The following APLP1 variants were observed in gnomAD, a reference collection of about 807,000 sequenced individuals.
The protein encoded by APLP1 is amyloid beta precursor like protein 1, also known as amyloid beta (A4) precursor-like protein 1.
A neutral mutation model predicts 84.5 loss-of-function variants in APLP1; 46 were observed. That is an observed-to-expected ratio of 0.54 (90% confidence interval 0.43 to 0.70). The LOEUF is 0.70. Ranked by LOEUF, APLP1 falls within the 30% of genes least tolerant of loss-of-function variation. The probability of loss-of-function intolerance (pLI) is 0.00; values close to 1 mark genes in which losing one functional copy is unlikely to be tolerated. For missense variants in APLP1, 826 were observed against 900.2 expected (o/e 0.92, Z 1.05); for synonymous variants, 376 against 364.0 (o/e 1.03, Z -0.38).
rs1225289403 is a variant in APLP1, at chr19:35,873,696, A to G, written c.1039A>G (p.Arg347Gly). ...NQSKNLPKAD[R>G]QALNEHFQSI... ...GTCCAAGAACCTGCCTAAAGCCGAC[A>G]GACAGGCCCTGAATGAGGTAGGACA... is the stretch of plus-strand genomic sequence containing the variant. Residue 347 changes from arginine (R) to glycine (G), a missense_variant, in exon 8 of 17, where the codon AGA becomes GGA. Physicochemically the swap from Arg to Gly is moderately radical, Grantham distance 125. Coordinates refer to ENST00000221891, the MANE Select transcript of APLP1 (RefSeq NM_001024807.3). 6.2e-7 allele frequency: 1 copy of G among 1,614,016 alleles called. No individual in the cohort carries two copies. Among genetic ancestry groups the G allele is most frequent in the African/African-American group, 1.3e-5 (1 of 74,942 alleles).
Position 35,874,204 on chromosome 19 carries a change from G to C in APLP1, c.1057-300G>C, listed in dbSNP as rs898888121. On this transcript the variant is annotated intron_variant, in intron 8 of 16. Coordinates refer to ENST00000221891, the MANE Select transcript of APLP1 (RefSeq NM_001024807.3). This position sits in a 1 kb window ranked among gnomAD's most constrained non-coding sequence, Gnocchi z 6.4. Reference sequence around the variant, plus strand: ...CCTGTCTCCAGTTTGACCCTGCCCAGGCCAGGAGCCCTGCAAGGCTTTGTC... The same window carrying C: ...CCTGTCTCCAGTTTGACCCTGCCCACGCCAGGAGCCCTGCAAGGCTTTGTC... 6.6e-6 allele frequency among the ~76,000 whole-genome samples: 1 copy of C among 152,160 alleles called. No individual in the cohort carries two copies. The highest frequency in any genetic ancestry group is 2.4e-5 in the African/African-American group (1 of 41,434).
At chr19:35,875,225 G>A (rs1336833309) in intron 10 of APLP1, among the ~76,000 whole-genome samples, 10 of 147,684 alleles carry the variant, frequency 6.8e-5, no homozygotes, top group African/African-American at 1.0e-4. Context: ...AGCAGTGTGC[G>A]ATCTTGGCTC....
intron 7 of APLP1, 60 bp from the exon 8 acceptor site, chr19:35,873,579 G>A: frequency 2.6e-6 from 4 of 1,557,998 alleles, no homozygotes; most frequent in Non-Finnish European, 3.5e-6. Flanking sequence ...GAGGGGTTGG[G>A]GGACTTGCCA....
intron 2 of APLP1, 38 bp from the exon 3 acceptor site, chr19:35,870,858 G>A (rs947496368): frequency 3.8e-6 from 6 of 1,584,146 alleles, no homozygotes; most frequent in African/African-American, 1.3e-5. Context: ...TGGCAGGGGC[G>A]GGGCAGTGGG....
intron 11 of APLP1, among the ~76,000 whole-genome samples, chr19:35,877,215 G>A (rs8103447): frequency 0.015 from 2,250 of 152,194 alleles, 59 homozygotes; most frequent in African/African-American, 0.052. Context: ...ATCTTGAGGC[G>A]CGGTGGCTCA....
intron 11 of APLP1, among the ~76,000 whole-genome samples, chr19:35,876,955 A>C (rs1974296213): frequency 6.6e-6 from 1 of 152,208 alleles, no homozygotes; most frequent in African/African-American, 2.4e-5. Context: ...TGGTCTCATC[A>C]GCAGGGTAGC....
Position 35,871,288 on chromosome 19 carries a change from T to C in APLP1, c.476T>C (p.Leu159Ser). ...ALLVPEGCRF[L>S]HQERMDQCES... The stretch of plus-strand genomic sequence containing the variant: ...CTGGTGCCTGAAGGCTGCCGGTTCT[T>C]GCACCAGGAGCGCATGGACCAATGT... Residue 159 changes from leucine (L) to serine (S), a missense_variant, in exon 4 of 17, where the codon TTG (leucine) becomes TCG (serine). By Grantham distance (145) the Leu-to-Ser change is moderately radical. Around this residue, in one of 3 missense-constraint regions of APLP1, gnomAD observed 383 missense variants for 378.3 expected, o/e 1.01. Coordinates refer to ENST00000221891, the MANE Select transcript of APLP1 (RefSeq NM_001024807.3). 6.2e-7 allele frequency: 1 copy of C among 1,613,702 alleles called. No homozygotes were observed. Among genetic ancestry groups the C allele is most frequent in the Non-Finnish European group, 8.5e-7 (1 of 1,179,854 alleles).
In APLP1 at chr19:35,874,583, G is replaced by T. The variant is rs752685508; in HGVS notation, c.1136G>T (p.Arg379Leu). 5.6e-6 allele frequency: 9 copies of T among 1,614,168 alleles called. No homozygotes were observed. The South Asian group carries it at 9.9e-5, about 18-fold the overall frequency. The change falls in exon 9 of 17, where the codon CGC (arginine) becomes CTC (leucine). Residue 379 changes from arginine to leucine, a missense_variant. By Grantham distance (102) the Arg-to-Leu change is moderately radical (BLOSUM62 -2). Around this residue, in one of 3 missense-constraint regions of APLP1, gnomAD observed 433 missense variants for 496.5 expected, o/e 0.87. Coordinates refer to ENST00000221891, the MANE Select transcript of APLP1 (RefSeq NM_001024807.3). The surrounding 1 kb of genome is among the most constrained non-coding windows in gnomAD (Gnocchi z 6.4). ...CGCCTGGTGGAAACCCACGCCACCCGCGTCATCGCCCTTATCAACGACCAG... is the reference window on the plus strand; with the variant it reads ...CGCCTGGTGGAAACCCACGCCACCCTCGTCATCGCCCTTATCAACGACCAG... ...RQRLVETHAT[R>L]VIALINDQRR...
intron 13 of APLP1, 168 bp from the exon 14 acceptor site, chr19:35,878,416 C>T: frequency 1.5e-6 from 1 of 685,066 alleles, no homozygotes. Context: ...TGTGGTGGGG[C>T]ATGTCTGTAG....
intron 10 of APLP1, among the ~76,000 whole-genome samples, chr19:35,875,436 C>T (rs1974261704): frequency 6.6e-6 from 1 of 151,966 alleles, no homozygotes; most frequent in Non-Finnish European, 1.5e-5. Flanking sequence ...AGCTATTCTC[C>T]TGCCTCAGCC....
chr19:35,871,563 A>G (rs1599883458), intron 4 of APLP1, 49 bp from the exon 5 acceptor site: 1 of 1,604,844 alleles, frequency 6.2e-7, no homozygotes, highest in South Asian at 1.1e-5. Context: ...TTCCCCATCT[A>G]CCCCCTCCCA....
At position 35,874,105 on chromosome 19, in the gene APLP1, C is replaced by CGTAG. The variant is rs1974223859; in HGVS notation, c.1056+392_1056+393insGTAG. Among the ~76,000 whole-genome samples the CGTAG allele has an allele frequency of 2.6e-5, 4 of 152,164 alleles. No individual in the cohort carries two copies. Among genetic ancestry groups the CGTAG allele is most frequent in the Admixed American group, 1.3e-4 (2 of 15,274 alleles). On this transcript the variant is annotated intron_variant, in intron 8 of 16. Coordinates refer to ENST00000221891, the MANE Select transcript of APLP1 (RefSeq NM_001024807.3). This position sits in a 1 kb window ranked among gnomAD's most constrained non-coding sequence, Gnocchi z 6.4. ...TCTCACCTTTATTAACCTGACCTACCCCATGGAGACCCCACTCATGTTAGC... is the reference window on the plus strand; with the variant it reads ...TCTCACCTTTATTAACCTGACCTACCGTAGCCATGGAGACCCCACTCATGTTAGC...
intron 13 of APLP1, 91 bp downstream of exon 13, chr19:35,878,199 C>G (rs1667807323): frequency 7.3e-7 from 1 of 1,370,976 alleles, no homozygotes; most frequent in South Asian, 1.3e-5. Context: ...GAACCTCAGA[C>G]CCCCTGGGGT....
At chr19:35,876,428 C>A (rs1163715160) in intron 10 of APLP1, 89 bp from the exon 11 acceptor site, 2 of 1,134,974 alleles carry the variant, frequency 1.8e-6, no homozygotes, top group East Asian at 4.7e-5. Flanking sequence ...TTTCCTCAGT[C>A]GCTATTGAAT....
At chr19:35,870,058 A>AG in intron 2 of APLP1, 2 of 544,408 alleles carry the variant, frequency 3.7e-6, no homozygotes, top group Non-Finnish European at 6.4e-6. Flanking sequence ...GTAGAGGTGT[A>AG]GGGGGGAGTG....
chr19:35,873,819 C>T, intron 8 of APLP1, 106 bp downstream of exon 8: 1 of 1,051,282 alleles, frequency 9.5e-7, no homozygotes, highest in Non-Finnish European at 1.4e-6. Context: ...CACCCCTTCC[C>T]ACCTATCTCA....
chr19:35,868,841 G>T lies in APLP1; in HGVS notation c.147+58G>T. Reference sequence around the variant, plus strand: ...AAGGGGCGGGACCGGGTCTCTGGACGCCGGCGCGGACATGTCCAGGGCAGA... The same window carrying T: ...AAGGGGCGGGACCGGGTCTCTGGACTCCGGCGCGGACATGTCCAGGGCAGA... On this transcript the variant is annotated intron_variant, in intron 1 of 16. Transcript: ENST00000221891. The surrounding 1 kb of genome is among the most constrained non-coding windows in gnomAD (Gnocchi z 5.2). 8.0e-7 allele frequency: 1 copy of T among 1,248,354 alleles called. No individual in the cohort carries two copies. The highest frequency in any genetic ancestry group is 1.0e-6 in the Non-Finnish European group (1 of 990,592). 77.3% of individuals were successfully genotyped at this position (1,248,354 alleles called of 1,614,324 possible).
In APLP1 at chr19:35,874,427, C is replaced by T. The variant is rs1974230497; in HGVS notation, c.1057-77C>T. Reference sequence around the variant, plus strand: ...GAACGCCCCCCAACCCCATGTAGCCCTGCCTTTCCAGGCTCTCTTTGACCA... The same window carrying T: ...GAACGCCCCCCAACCCCATGTAGCCTTGCCTTTCCAGGCTCTCTTTGACCA... On this transcript the variant is annotated intron_variant, in intron 8 of 16. Coordinates refer to ENST00000221891, the MANE Select transcript of APLP1 (RefSeq NM_001024807.3). This position sits in a 1 kb window ranked among gnomAD's most constrained non-coding sequence, Gnocchi z 6.4. 1 of 1,572,962 alleles carries T rather than the reference C, an allele frequency of 6.4e-7. No individual in the cohort carries two copies. Among genetic ancestry groups the T allele is most frequent in the Non-Finnish European group, 8.7e-7 (1 of 1,149,684 alleles).
chr19:35,874,824 T>A lies in APLP1; in HGVS notation c.1299T>A (p.His433Gln), dbSNP rs149296980. The change falls in exon 10 of 17, where the codon CAT becomes CAA. Residue 433 changes from histidine (H) to glutamine (Q), a missense_variant. This residue lies in a region of APLP1 where 433 missense variants were observed against 496.5 expected (regional missense o/e 0.87). Transcript: ENST00000221891. The surrounding 1 kb of genome is among the most constrained non-coding windows in gnomAD (Gnocchi z 6.4). The part of the protein sequence containing the change: ...EQRHTLRHYQ[H>Q]VAAVDPEKAQ... ...GGCACACGCTGCGCCACTACCAGCATGTGGCCGCCGTGGATCCCGAGAAGG... is the reference window on the plus strand; with the variant it reads ...GGCACACGCTGCGCCACTACCAGCAAGTGGCCGCCGTGGATCCCGAGAAGG... 6.2e-7 allele frequency: 1 copy of A among 1,612,136 alleles called. No individual in the cohort carries two copies. Among genetic ancestry groups the A allele is most frequent in the Non-Finnish European group, 8.5e-7 (1 of 1,180,000 alleles).
Sources: allele counts gnomAD v4.1 joint callset (sites outside exome capture counted in the v4.1 genomes callset), GRCh38; gene constraint gnomAD v4.1.1; regional missense constraint gnomAD v4.1.1; non-coding constraint Gnocchi (gnomAD v3.1); transcripts MANE v1.5; gene names NCBI Gene and HGNC (gene_info 2026-07-23, HGNC 2026-07-21).